Variants in PLXNB1 observed in about 807,000 individuals in gnomAD.
PLXNB1 encodes the protein plexin-B1.
In PLXNB1, 106 loss-of-function variants were observed where a neutral mutation model predicts 209.4. The ratio of observed to expected loss-of-function variants is 0.51; its 90% CI spans 0.43 to 0.59. The LOEUF (loss-of-function observed/expected upper bound fraction) is 0.59. Ranked by LOEUF, PLXNB1 falls within the 20% of genes least tolerant of loss-of-function variation. The pLI is 0.00. For missense variants in PLXNB1, 2,357 were observed against 2,853.2 expected (o/e 0.83, Z 3.96); for synonymous variants, 1,167 against 1,183.2 (o/e 0.99, Z 0.28).
rs1286650809 is a variant in PLXNB1, at chr3:48,405,822, G to A, written c.6229-24C>T. On this transcript the variant is annotated intron_variant, in intron 36 of 37. Coordinates refer to ENST00000296440, the MANE Select transcript of PLXNB1 (RefSeq NM_001130082.3). The surrounding 1 kb of genome is among the most constrained non-coding windows in gnomAD (Gnocchi z 5.0). ...TTCTAGGGAAGAGGCCAAATGAAAG[G>A]TGAGAGAGACGAGGGGTGCAGAGAG... is the stretch of plus-strand genomic sequence containing the variant. The A allele has an allele frequency of 2.5e-6, 4 of 1,603,474 alleles. No individual in the cohort carries two copies. The highest frequency in any genetic ancestry group is 2.6e-6 in the Non-Finnish European group (3 of 1,171,272).
In PLXNB1 at chr3:48,406,810, A is replaced by T; in HGVS notation, c.6228+13T>A. ...GGCCTATGCCCAACCCAAGAAGCAG[A>T]GGGAGGCCTTACCCAGGACAGTTCA... On this transcript the variant is annotated intron_variant, in intron 36 of 37. Transcript: ENST00000296440. This position sits in a 1 kb window ranked among gnomAD's most constrained non-coding sequence, Gnocchi z 4.4. 5 of 1,596,868 alleles carry T rather than the reference A, an allele frequency of 3.1e-6. No homozygotes were observed. Among genetic ancestry groups the T allele is most frequent in the Non-Finnish European group, 4.3e-6 (5 of 1,171,424 alleles).
Position 48,429,443 on chromosome 3 carries a change from A to C in PLXNB1, c.-60+565T>G, listed in dbSNP as rs2039072459. ...GCTGCCACCGCCGGGAACAAAGGAG[A>C]CAAAGCCGCGTCGGCCGGGCTCGTC... On this transcript the variant is annotated intron_variant, in intron 1 of 37. Transcript: ENST00000296440. This position sits in a 1 kb window ranked among gnomAD's most constrained non-coding sequence, Gnocchi z 6.4. 2 of 151,052 alleles carry C rather than the reference A, an allele frequency of 1.3e-5. No individual in the cohort carries two copies. Among genetic ancestry groups the C allele is most frequent in the Admixed American group, 1.3e-4 (2 of 15,176 alleles). The allele number at this position is 151,052 out of a possible 1,614,324, so 9.4% of individuals were successfully genotyped here. A position where few individuals can be genotyped will look rare whatever the true frequency, so the allele number is the denominator to read the frequency against.
chr3:48,408,907 G>A (rs953473745), intron 34 of PLXNB1, among the ~76,000 whole-genome samples: 1 of 152,124 alleles, frequency 6.6e-6, no homozygotes, highest in Non-Finnish European at 1.5e-5. Context: ...GGACAGCACA[G>A]CGCCCTCTTG....
Position 48,406,585 on chromosome 3 carries a change from G to C in PLXNB1, c.6228+238C>G, listed in dbSNP as rs2037326630. Reference sequence around the variant, plus strand: ...CCAGCTACCTTGCAAGAGCCTGGCTGAATCAGGGTACATGGCAGCTGCCAG... The same window carrying C: ...CCAGCTACCTTGCAAGAGCCTGGCTCAATCAGGGTACATGGCAGCTGCCAG... On this transcript the variant is annotated intron_variant, in intron 36 of 37. Coordinates refer to ENST00000296440, the MANE Select transcript of PLXNB1 (RefSeq NM_001130082.3). This position sits in a 1 kb window ranked among gnomAD's most constrained non-coding sequence, Gnocchi z 4.4. 1 of 1,345,086 alleles carries C rather than the reference G, an allele frequency of 7.4e-7. No homozygotes were observed. The highest frequency in any genetic ancestry group is 1.9e-5 in the South Asian group (1 of 52,720). The allele number at this position is 1,345,086 out of a possible 1,614,324, so 83.3% of individuals were successfully genotyped here.
chr3:48,407,456 T>C (rs2037385233), intron 34 of PLXNB1, among the ~76,000 whole-genome samples: 1 of 152,078 alleles, frequency 6.6e-6, no homozygotes, highest in Non-Finnish European at 1.5e-5. Flanking sequence ...CCCAGAACAT[T>C]ACCTAAGCGG....
chr3:48,411,987 T>C lies in PLXNB1; in HGVS notation c.5123A>G (p.Tyr1708Cys). ...FVRDSVGEPL[Y>C]MLFRGIKHQV... Reference sequence around the variant, plus strand: ...GTGCTTAATCCCTCGAAAGAGCATGTACAGAGGCTCCCCTACGGAGTCCTA... The same window carrying C: ...GTGCTTAATCCCTCGAAAGAGCATGCACAGAGGCTCCCCTACGGAGTCCTA... The change falls in exon 28 of 38, where the codon TAC becomes TGC. Residue 1708 changes from tyrosine to cysteine, a missense_variant. Around this residue, in one of 7 missense-constraint regions of PLXNB1, gnomAD observed 65 missense variants for 127.6 expected, o/e 0.51. Coordinates refer to ENST00000296440, the MANE Select transcript of PLXNB1 (RefSeq NM_001130082.3). This position sits in a 1 kb window ranked among gnomAD's most constrained non-coding sequence, Gnocchi z 4.0. The C allele has an allele frequency of 1.2e-6, 2 of 1,614,100 alleles. No homozygotes were observed. Among genetic ancestry groups the C allele is most frequent in the Non-Finnish European group, 1.7e-6 (2 of 1,180,016 alleles).
Position 48,429,188 on chromosome 3 carries a change from G to T in PLXNB1, c.-60+820C>A, listed in dbSNP as rs1405340861. On this transcript the variant is annotated intron_variant, in intron 1 of 37. Coordinates refer to ENST00000296440, the MANE Select transcript of PLXNB1 (RefSeq NM_001130082.3). This position sits in a 1 kb window ranked among gnomAD's most constrained non-coding sequence, Gnocchi z 6.4. ...GCCGCCCCTGCCCGGCGGGATCGGG[G>T]CCCCGGCCCGTTCCACCTCGGGAGC... The T allele has an allele frequency of 6.6e-6, 1 of 152,086 alleles. No homozygotes were observed. The highest frequency in any genetic ancestry group is 1.5e-5 in the Non-Finnish European group (1 of 68,012). 9.4% of individuals were successfully genotyped at this position (152,086 alleles called of 1,614,324 possible). A position where few individuals can be genotyped will look rare whatever the true frequency, so the allele number is the denominator to read the frequency against.
intron 4 of PLXNB1, 55 bp downstream of exon 4, chr3:48,422,710 G>A (rs2038612200): frequency 6.4e-7 from 1 of 1,559,144 alleles, no homozygotes; most frequent in Admixed American, 1.7e-5. Flanking sequence ...TGGGTCCCTA[G>A]CAATCTGTTC....
chr3:48,423,459 C>T, intron 3 of PLXNB1, 46 bp downstream of exon 3: 1 of 1,583,230 alleles, frequency 6.3e-7, no homozygotes, highest in Non-Finnish European at 8.6e-7. Flanking sequence ...AATGCTTGGC[C>T]AGTGGCCTCA....
chr3:48,427,650 C>T (rs917489954), intron 1 of PLXNB1, among the ~76,000 whole-genome samples: 2 of 152,222 alleles, frequency 1.3e-5, no homozygotes, highest in Non-Finnish European at 2.9e-5. Context: ...CCCACACATG[C>T]CCTTCGTTCC....
Position 48,422,166 on chromosome 3 carries a change from C to G in PLXNB1, c.1459G>C (p.Asp487His). The G allele has an allele frequency of 6.2e-7, 1 of 1,614,126 alleles. No homozygotes were observed. The highest frequency in any genetic ancestry group is 1.1e-5 in the South Asian group (1 of 91,074). The change falls in exon 6 of 38, where the codon GAC (aspartate) becomes CAC (histidine). Residue 487 changes from aspartate (D) to histidine (H), a missense_variant. Around this residue, in one of 7 missense-constraint regions of PLXNB1, gnomAD observed 214 missense variants for 297.1 expected, o/e 0.72. Coordinates refer to ENST00000296440, the MANE Select transcript of PLXNB1 (RefSeq NM_001130082.3). ...CTGTGAGCAAGGCAAGATGCACAGT[C>G]CAGGTGCTGAGCACAGGAAGCCACA... is the stretch of plus-strand genomic sequence containing the variant. The part of the protein sequence containing the change: ...VPVASCAQHL[D>H]CASCLAHRDP...
In PLXNB1 at chr3:48,412,014, G is replaced by A; in HGVS notation, c.5101-5C>T. 3.1e-6 allele frequency: 5 copies of A among 1,613,846 alleles called. No homozygotes were observed. The highest frequency in any genetic ancestry group is 4.2e-6 in the Non-Finnish European group (5 of 1,179,904). ...CAGAGGCTCCCCTACGGAGTCCTAG[G>A]AGAGCACAGGCAGTTAGGGCCCCCC... On this transcript the variant is annotated splice_polypyrimidine_tract_variant and splice_region_variant and intron_variant, in intron 27 of 37. Transcript: ENST00000296440.
At chr3:48,407,385 C>G (rs1412958156) in intron 34 of PLXNB1, among the ~76,000 whole-genome samples, 1 of 152,128 alleles carries the variant, frequency 6.6e-6, no homozygotes, top group South Asian at 2.1e-4. Context: ...GAGCCCGGTA[C>G]GTAGGGCAGG....
rs2106776171 is a variant in PLXNB1, at chr3:48,410,697, G to T, written c.5417-139C>A. On this transcript the variant is annotated intron_variant, in intron 29 of 37. Coordinates refer to ENST00000296440, the MANE Select transcript of PLXNB1 (RefSeq NM_001130082.3). The surrounding 1 kb of genome is among the most constrained non-coding windows in gnomAD (Gnocchi z 6.4). ...AACCTCTCCAAAGACCAAGAGCAGG[G>T]ACCCCCTCCCCAGATGAGAGGCTGT... is the stretch of plus-strand genomic sequence containing the variant. The T allele has an allele frequency of 1.1e-6, 1 of 936,756 alleles. No individual in the cohort carries two copies. The highest frequency in any genetic ancestry group is 1.6e-5 in the South Asian group (1 of 62,414). 58.0% of individuals were successfully genotyped at this position (936,756 alleles called of 1,614,324 possible). A position where few individuals can be genotyped will look rare whatever the true frequency, so the allele number is the denominator to read the frequency against.
In PLXNB1 at chr3:48,418,900, G is replaced by A. The variant is rs1291039628; in HGVS notation, c.2955+17C>T. On this transcript the variant is annotated intron_variant, in intron 13 of 37. Coordinates refer to ENST00000296440, the MANE Select transcript of PLXNB1 (RefSeq NM_001130082.3). This position sits in a 1 kb window ranked among gnomAD's most constrained non-coding sequence, Gnocchi z 6.6. ...GTGCAGTGCACCCGTGCCCACCCAG[G>A]CGCTCATGGTGTGCACCTGGTGCTG... 6.2e-7 allele frequency: 1 copy of A among 1,613,632 alleles called. No individual in the cohort carries two copies. The highest frequency in any genetic ancestry group is 1.3e-5 in the African/African-American group (1 of 74,906).
At chr3:48,425,835 C>CAG (rs71074245) in intron 1 of PLXNB1, among the ~76,000 whole-genome samples, 38 of 148,960 alleles carry the variant, frequency 2.6e-4, no homozygotes, top group African/African-American at 3.1e-4. Context: ...CACACACACA[C>CAG]AGAGAGAGAG....
chr3:48,410,113 G>A lies in PLXNB1; in HGVS notation c.5606-36C>T, dbSNP rs765099762. The stretch of plus-strand genomic sequence containing the variant: ...AGCCCACAGCTGTCACCCCTCCCCA[G>A]GTGCCACCTCCCCAGGCCCCCTGTT... On this transcript the variant is annotated intron_variant, in intron 31 of 37. Coordinates refer to ENST00000296440, the MANE Select transcript of PLXNB1 (RefSeq NM_001130082.3). This position sits in a 1 kb window ranked among gnomAD's most constrained non-coding sequence, Gnocchi z 6.4. 5.8e-6 allele frequency: 9 copies of A among 1,544,214 alleles called. No homozygotes were observed. The East Asian group carries it at 2.0e-4, about 35-fold the overall frequency.
chr3:48,425,718 A>G (rs2038850855), intron 1 of PLXNB1, among the ~76,000 whole-genome samples: 1 of 152,098 alleles, frequency 6.6e-6, no homozygotes. Flanking sequence ...GGGCTGTCCC[A>G]GCCCAAAGGG....
Position 48,419,238 on chromosome 3 carries a change from A to G in PLXNB1, c.2832+6T>C. 1 of 1,562,564 alleles carries G rather than the reference A, an allele frequency of 6.4e-7. No individual in the cohort carries two copies. The highest frequency in any genetic ancestry group is 8.7e-7 in the Non-Finnish European group (1 of 1,151,684). On this transcript the variant is annotated splice_donor_region_variant and intron_variant, in intron 12 of 37. Coordinates refer to ENST00000296440, the MANE Select transcript of PLXNB1 (RefSeq NM_001130082.3). The surrounding 1 kb of genome is among the most constrained non-coding windows in gnomAD (Gnocchi z 5.7). ...GCAAGGACAGCGGCAGGCAGGACAC[A>G]CTGACCTGGAAAAGGTGCAGGTTCC...
Sources: gnomAD v4.1 joint callset for allele counts (sites outside exome capture counted in the v4.1 genomes callset) on GRCh38, gnomAD v4.1.1 for gene constraint, gnomAD v4.1.1 regional missense constraint, Gnocchi (gnomAD v3.1) non-coding constraint, MANE v1.5 for transcripts, NCBI Gene and HGNC (gene_info 2026-07-23, HGNC 2026-07-21) for gene names.